The following TMEM117 variants were observed in gnomAD, a reference collection of about 807,000 sequenced individuals.
TMEM117 encodes the protein transmembrane protein 117.
TMEM117 carries 27 observed loss-of-function variants against 52.4 expected under a neutral mutation model. That is an observed-to-expected ratio of 0.51 (90% CI 0.38 to 0.71). The LOEUF (loss-of-function observed/expected upper bound fraction) is 0.71. Among genes scored for constraint, TMEM117 ranks in the 30% least tolerant of loss-of-function variants. The probability of loss-of-function intolerance (pLI) is 0.00; values close to 1 mark genes in which losing one functional copy is unlikely to be tolerated. For missense variants in TMEM117, 556 were observed against 630.5 expected, an observed-to-expected ratio of 0.88 and a Z score of 1.26; for synonymous variants, 215 against 206.3, an observed-to-expected ratio of 1.04 and a Z score of -0.36.
chr12:43,938,780 G>A (rs1027243334), intron 2 of TMEM117, among the ~76,000 whole-genome samples: 1 of 152,010 alleles, frequency 6.6e-6, no homozygotes, highest in African/African-American at 2.4e-5. Context: ...TGGATGGATA[G>A]CTGAGGTCAG....
intron 6 of TMEM117, among the ~76,000 whole-genome samples, chr12:44,315,279 T>C (rs2138682945): frequency 6.6e-6 from 1 of 152,324 alleles, no homozygotes; most frequent in East Asian, 1.9e-4. Flanking sequence ...AATAATTTCT[T>C]TTCTTCTGCT....
At chr12:44,398,947 CCT>C in the TMEM117 span, among the ~76,000 whole-genome samples, 1 of 151,928 alleles carries the variant, frequency 6.6e-6, no homozygotes, top group Non-Finnish European at 1.5e-5. Flanking sequence ...ATATCTAGTG[CCT>C]CTCTCAGGAT....
At chr12:44,271,813 G>A (rs1950449385) in intron 5 of TMEM117, among the ~76,000 whole-genome samples, 1 of 151,724 alleles carries the variant, frequency 6.6e-6, no homozygotes, top group South Asian at 2.1e-4. Flanking sequence ...ATAGAATGAG[G>A]GAATATATTT....
upstream of TMEM117, among the ~76,000 whole-genome samples, chr12:43,834,563 A>G (rs1243767599): frequency 6.6e-6 from 1 of 152,248 alleles, no homozygotes; most frequent in African/African-American, 2.4e-5. Context: ...ACAAAAGAGA[A>G]CCTTACTAGT....
chr12:44,350,274 G>A (rs1951543480), intron 6 of TMEM117, among the ~76,000 whole-genome samples: 1 of 151,832 alleles, frequency 6.6e-6, no homozygotes, highest in South Asian at 2.1e-4. Flanking sequence ...CTTGCCATAT[G>A]CAAAGTATAT....
At chr12:43,886,756 T>G (rs1028458394) in intron 2 of TMEM117, among the ~76,000 whole-genome samples, 1 of 152,176 alleles carries the variant, frequency 6.6e-6, no homozygotes, top group South Asian at 2.1e-4. Context: ...TACCCATTAA[T>G]TATTTTTCGT....
chr12:44,022,918 G>T (rs1348227255), intron 3 of TMEM117, among the ~76,000 whole-genome samples: 1 of 152,128 alleles, frequency 6.6e-6, no homozygotes, highest in African/African-American at 2.4e-5. Flanking sequence ...CATCAATGAG[G>T]TCTGGCGTCT....
rs538850817 is a variant in TMEM117, at chr12:43,951,524, G to A, written c.410+7182G>A. On this transcript the variant is annotated intron_variant, in intron 3 of 7. Transcript: ENST00000266534. ...AGGTTTGGACTGGGCAGAATTCCCC[G>A]CAGTGCAGCAAAACAGCTGTGACCA... is the stretch of plus-strand genomic sequence containing the variant. Among the ~76,000 whole-genome samples the A allele has an allele frequency of 5.6e-4, 85 of 152,236 alleles. 2 individuals are homozygous for A. Among genetic ancestry groups the A allele is most frequent in the South Asian group, 2.1e-4 (1 of 4,822 alleles).
chr12:44,045,397 G>T (rs1046635748), intron 3 of TMEM117, among the ~76,000 whole-genome samples: 1 of 152,156 alleles, frequency 6.6e-6, no homozygotes, highest in African/African-American at 2.4e-5. Context: ...GTTTGTCCTC[G>T]CTAGAATAGA....
At chr12:44,132,233 A>G (rs1948425962) in intron 3 of TMEM117, among the ~76,000 whole-genome samples, 1 of 151,366 alleles carries the variant, frequency 6.6e-6, no homozygotes, top group Non-Finnish European at 1.5e-5. Flanking sequence ...TAACCTAGAC[A>G]AATAACATTG....
chr12:44,098,668 G>T (rs1053059870), intron 3 of TMEM117, among the ~76,000 whole-genome samples: 1 of 152,016 alleles, frequency 6.6e-6, no homozygotes, highest in Non-Finnish European at 1.5e-5. Context: ...TGAGTCTGAA[G>T]GCTGGGAGCC....
At chr12:43,934,540 T>G (rs1370930987) in intron 2 of TMEM117, among the ~76,000 whole-genome samples, 1 of 152,226 alleles carries the variant, frequency 6.6e-6, no homozygotes, top group South Asian at 2.1e-4. Flanking sequence ...TAAATTGACA[T>G]TAAACTTTAG....
At chr12:44,219,164 A>G (rs1277240446) in intron 5 of TMEM117, among the ~76,000 whole-genome samples, 1 of 152,184 alleles carries the variant, frequency 6.6e-6, no homozygotes, top group African/African-American at 2.4e-5. Context: ...CCCTTTTATT[A>G]TTGACAAAGA....
intron 5 of TMEM117, among the ~76,000 whole-genome samples, chr12:44,268,143 C>CTT (rs759345644): frequency 6.2e-5 from 9 of 145,342 alleles, no homozygotes; most frequent in Admixed American, 1.4e-4. Flanking sequence ...ATCATGACAT[C>CTT]TTTTTTTTTT....
intron 2 of TMEM117, among the ~76,000 whole-genome samples, chr12:43,846,338 TGC>T (rs1943207072): frequency 8.0e-6 from 1 of 124,890 alleles, no homozygotes; most frequent in African/African-American, 5.5e-5. Context: ...TCTGTTATGA[TGC>T]GTTTGTCTCT....
chr12:43,944,430 A>T, intron 3 of TMEM117, 88 bp downstream of exon 3: 1 of 1,235,482 alleles, frequency 8.1e-7, no homozygotes, highest in South Asian at 1.5e-5. Flanking sequence ...TAGTAGTCTA[A>T]GTCTGCTTTA....
At chr12:44,247,620 G>A (rs1950146557) in intron 5 of TMEM117, among the ~76,000 whole-genome samples, 1 of 152,146 alleles carries the variant, frequency 6.6e-6, no homozygotes, top group Non-Finnish European at 1.5e-5. Context: ...ACATTACACT[G>A]TTTTTTGCTA....
At chr12:44,056,492 T>C (rs1331009839) in intron 3 of TMEM117, among the ~76,000 whole-genome samples, 2 of 152,250 alleles carry the variant, frequency 1.3e-5, no homozygotes, top group Admixed American at 6.5e-5. Flanking sequence ...TTTAATTATA[T>C]GTACTTGAAC....
chr12:43,861,151 T>A (rs1943482240), intron 2 of TMEM117, among the ~76,000 whole-genome samples: 1 of 152,188 alleles, frequency 6.6e-6, no homozygotes, highest in South Asian at 2.1e-4. Context: ...TGTAATAGTA[T>A]TTTCAGCAGT....
Sources: gnomAD v4.1 joint callset for allele counts (sites outside exome capture counted in the v4.1 genomes callset) on GRCh38, gnomAD v4.1.1 for gene constraint, MANE v1.5 for transcripts, NCBI Gene and HGNC (gene_info 2026-07-23, HGNC 2026-07-21) for gene names.